Variants in SLC26A4 observed in about 807,000 individuals in gnomAD.
SLC26A4 encodes solute carrier family 26 member 4.
Under a neutral mutation model 90.4 loss-of-function variants are expected in SLC26A4, and 93 were observed. The observed-to-expected ratio is 1.03, with a 90% CI of 0.87 to 1.22. The LOEUF is 1.22. Among genes scored for constraint, SLC26A4 ranks in the 50% most tolerant of loss-of-function variants. The pLI is 0.00. For missense variants in SLC26A4, 1,127 were observed against 946.2 expected, an observed-to-expected ratio of 1.19 and a Z score of -2.51; for synonymous variants, 393 against 354.6, an observed-to-expected ratio of 1.11 and a Z score of -1.22.
At chr7:107,687,690 C>T (rs1422752564) in intron 8 of SLC26A4, among the ~76,000 whole-genome samples, 1 of 152,154 alleles carries the variant, frequency 6.6e-6, no homozygotes, top group African/African-American at 2.4e-5. Context: ...GGCAGCCAGG[C>T]AGGCAAAGTG....
At chr7:107,667,699 A>G (rs923684555) in intron 3 of SLC26A4, among the ~76,000 whole-genome samples, 1 of 152,160 alleles carries the variant, frequency 6.6e-6, no homozygotes. Context: ...TCTGTGGTGC[A>G]AGAAGTACAA....
chr7:107,701,042 T>C (rs758514150), intron 15 of SLC26A4, 59 bp from the exon 16 acceptor site: 18 of 974,198 alleles, frequency 1.8e-5, no homozygotes, highest in Non-Finnish European at 3.0e-5. Flanking sequence ...AGATAACAGT[T>C]GCCATTAATA....
At chr7:107,705,448 G>A (rs908039714) in intron 18 of SLC26A4, among the ~76,000 whole-genome samples, 12 of 152,208 alleles carry the variant, frequency 7.9e-5, no homozygotes, top group African/African-American at 2.9e-4. Context: ...AGGGTTTATA[G>A]TATGCTCCTT....
intron 3 of SLC26A4, among the ~76,000 whole-genome samples, chr7:107,667,397 C>T (rs919211304): frequency 8.1e-5 from 11 of 134,988 alleles, no homozygotes; most frequent in Middle Eastern, 4.0e-3. Context: ...GAAAGCCTGG[C>T]GCAGGAAGTT....
intron 6 of SLC26A4, among the ~76,000 whole-genome samples, chr7:107,677,483 C>T (rs925042930): frequency 1.3e-5 from 2 of 152,062 alleles, no homozygotes; most frequent in African/African-American, 2.4e-5. Flanking sequence ...TCATGAAGCT[C>T]GCCGTTCATT....
At chr7:107,678,440 G>A (rs1791083230) in intron 6 of SLC26A4, among the ~76,000 whole-genome samples, 1 of 152,174 alleles carries the variant, frequency 6.6e-6, no homozygotes, top group Non-Finnish European at 1.5e-5. Flanking sequence ...CAGGACCCCT[G>A]CAGAACAGGA....
chr7:107,691,985 G>T, intron 10 of SLC26A4: 2 of 1,288,826 alleles, frequency 1.6e-6, no homozygotes, highest in Non-Finnish European at 2.0e-6. Context: ...AGAGCACATG[G>T]TCTTCAGCGG....
intron 3 of SLC26A4, among the ~76,000 whole-genome samples, chr7:107,665,508 A>T (rs1790683318): frequency 6.6e-6 from 1 of 152,166 alleles, no homozygotes; most frequent in Non-Finnish European, 1.5e-5. Context: ...TGCCTCATTC[A>T]TGTTTGTTCA....
chr7:107,663,262 G>T, intron 2 of SLC26A4, 34 bp from the exon 3 acceptor site: 1 of 1,613,658 alleles, frequency 6.2e-7, no homozygotes, highest in South Asian at 1.1e-5. Context: ...GACTGAGATT[G>T]GATTGAAAAC....
chr7:107,675,306 A>AG (rs997241325), intron 6 of SLC26A4, among the ~76,000 whole-genome samples, 197 bp downstream of exon 6: 11 of 135,602 alleles, frequency 8.1e-5, no homozygotes, highest in African/African-American at 2.8e-4. Flanking sequence ...AAAAAAAAAA[A>AG]GAAAGAAAGA....
At chr7:107,700,206 C>G in intron 15 of SLC26A4, 31 bp downstream of exon 15, 1 of 1,154,324 alleles carries the variant, frequency 8.7e-7, no homozygotes, top group Admixed American at 1.7e-5. Flanking sequence ...AATTTGTTTT[C>G]TAACCTCTTT....
intron 2 of SLC26A4, 99 bp from the exon 3 acceptor site, chr7:107,663,189 TCCAAATAG>T: frequency 8.0e-7 from 1 of 1,251,832 alleles, no homozygotes; most frequent in Admixed American, 1.7e-5. Context: ...TTATCCTTTT[TCCAAATAG>T]TTATAAACAT....
intron 20 of SLC26A4, among the ~76,000 whole-genome samples, chr7:107,713,924 T>G (rs1019412532): frequency 1.3e-5 from 2 of 151,812 alleles, no homozygotes; most frequent in Non-Finnish European, 2.9e-5. Flanking sequence ...ATTATTATTA[T>G]TATTATTTGT....
intron 3 of SLC26A4, among the ~76,000 whole-genome samples, chr7:107,666,394 G>C (rs965476221): frequency 1.3e-5 from 2 of 151,988 alleles, no homozygotes; most frequent in Admixed American, 1.3e-4. Context: ...GCTAATTTTT[G>C]TATTTTTTGT....
chr7:107,686,600 G>A lies in SLC26A4; in HGVS notation c.1002-2453G>A, dbSNP rs145373014. 8.4e-3 allele frequency among the ~76,000 whole-genome samples: 1,281 copies of A among 151,914 alleles called. 23 individuals carry two copies. The highest frequency in any genetic ancestry group is 0.029 in the African/African-American group (1,192 of 41,390). The stretch of plus-strand genomic sequence containing the variant: ...CCTCCCAGGTTCAAGCAATTCTCCT[G>A]CCTCAGCCTCCTGAGTAGCTGGGAC... On this transcript the variant is annotated intron_variant, in intron 8 of 20. Transcript: ENST00000644269.
Position 107,701,881 on chromosome 7 carries a change from G to A in SLC26A4, c.1858G>A (p.Asp620Asn). ...STNNAFEPDE[D>N]IEDLEELDIP... is the part of the protein sequence containing the mutation. Reference sequence around the variant, plus strand: ...AAATAATGCTTTTGAGCCTGATGAGGATATTGAAGATCTGGAGGAACTTGA... The same window carrying A: ...AAATAATGCTTTTGAGCCTGATGAGAATATTGAAGATCTGGAGGAACTTGA... Residue 620 changes from aspartate to asparagine, a missense_variant, in exon 17 of 21, where the codon GAT (aspartate) becomes AAT (asparagine). Coordinates refer to ENST00000644269, the MANE Select transcript of SLC26A4 (RefSeq NM_000441.2). The A allele has an allele frequency of 6.2e-7, 1 of 1,613,548 alleles. No individual in the cohort carries two copies. The highest frequency in any genetic ancestry group is 8.5e-7 in the Non-Finnish European group (1 of 1,179,490).
intron 5 of SLC26A4, 136 bp downstream of exon 5, chr7:107,674,484 G>T (rs554897582): frequency 2.6e-6 from 2 of 762,162 alleles, no homozygotes; most frequent in Non-Finnish European, 4.4e-6. Flanking sequence ...TCTAAATTAC[G>T]TTGTTTTAGG....
chr7:107,710,666 T>A lies in SLC26A4; in HGVS notation c.2235+467T>A, dbSNP rs139676115. On this transcript the variant is annotated intron_variant, in intron 19 of 20. Transcript: ENST00000644269. ...AATCAAGCCACAAAGAAGCCCAGGG[T>A]TAATTTTTCCCTACAAAATAGAATA... is the stretch of plus-strand genomic sequence containing the variant. Among the ~76,000 whole-genome samples the A allele has an allele frequency of 1.4e-3, 210 of 152,270 alleles. 2 individuals carry two copies. Among genetic ancestry groups the A allele is most frequent in the African/African-American group, 4.0e-3 (165 of 41,552 alleles).
chr7:107,710,191 T>C lies in SLC26A4; in HGVS notation c.2227T>C (p.Leu743=). Residue 743 remains leucine (L), a synonymous_variant, in exon 19 of 21, where the codon TTA becomes CTA. Transcript: ENST00000644269. ...ATCTCAAGAGGGTCAAGGTTCCATT[T>C]TAGAAACGGTAAATATTCAACCTTT... ...VKSQEGQGSI[L]ETITLIQDCK... 5 of 1,599,704 alleles carry C rather than the reference T, an allele frequency of 3.1e-6. No individual in the cohort carries two copies. Among genetic ancestry groups the C allele is most frequent in the Non-Finnish European group, 4.3e-6 (5 of 1,166,956 alleles).
Sources: allele counts gnomAD v4.1 joint callset (sites outside exome capture counted in the v4.1 genomes callset), GRCh38; gene constraint gnomAD v4.1.1; transcripts MANE v1.5; gene names NCBI Gene and HGNC (gene_info 2026-07-23, HGNC 2026-07-21).